STING1: variants seen among roughly 807,000 people sequenced by gnomAD.
STING1 encodes the protein stimulator of interferon genes protein.
Under a neutral mutation model 31.6 loss-of-function variants are expected in STING1, and 19 were observed. The ratio of observed to expected loss-of-function variants is 0.60; its 90% CI spans 0.42 to 0.88. The LOEUF (loss-of-function observed/expected upper bound fraction) is 0.88. Among genes scored for constraint, STING1 ranks in the 40% least tolerant of loss-of-function variants. STING1 has a pLI of 0.00. For missense variants in STING1, 371 were observed against 483.7 expected (o/e 0.77, Z 2.19); for synonymous variants, 200 against 208.6 (o/e 0.96, Z 0.35).
chr5:139,481,611 T>C lies in STING1; in HGVS notation c.94A>G (p.Thr32Ala). 1 of 1,613,330 alleles carries C rather than the reference T, an allele frequency of 6.2e-7. No homozygotes were observed. Among genetic ancestry groups the C allele is most frequent in the African/African-American group, 1.3e-5 (1 of 74,938 alleles). Residue 32 changes from threonine (T) to alanine (A), a missense_variant, in exon 3 of 8, where the codon ACC (threonine) becomes GCC (alanine). Physicochemically the swap from Thr to Ala is moderately conservative, Grantham distance 58 (BLOSUM62 0). Transcript: ENST00000330794. This position sits in a 1 kb window ranked among gnomAD's most constrained non-coding sequence, Gnocchi z 4.1. Reference sequence around the variant, plus strand: ...GGTGGCTCTCCTAGCCCCCAAAGGGTCACCAGGCAGGCACTCAGCAGAACC... The same window carrying C: ...GGTGGCTCTCCTAGCCCCCAAAGGGCCACCAGGCAGGCACTCAGCAGAACC... ...ALVLLSACLVTLWGLGEPPEH... is the reference protein window; with the variant it reads ...ALVLLSACLVALWGLGEPPEH...
intron 5 of STING1, 65 bp downstream of exon 5, chr5:139,480,725 A>C (rs926284894): frequency 4.0e-5 from 40 of 1,010,586 alleles, no homozygotes; most frequent in Non-Finnish European, 5.8e-5. Context: ...TTAGAAACAC[A>C]AGAGGCTGTG....
chr5:139,481,385 G>A lies in STING1; in HGVS notation c.228-43C>T. The stretch of plus-strand genomic sequence containing the variant: ...ACCCCAGACCCCAGCCCCCAGCCCA[G>A]CTCAGCCAGAGAGGTTCAAGGAGGG... On this transcript the variant is annotated intron_variant, in intron 3 of 7. Coordinates refer to ENST00000330794, the MANE Select transcript of STING1 (RefSeq NM_198282.4). This position sits in a 1 kb window ranked among gnomAD's most constrained non-coding sequence, Gnocchi z 4.1. The A allele has an allele frequency of 1.9e-6, 3 of 1,580,360 alleles. No homozygotes were observed. Among genetic ancestry groups the A allele is most frequent in the Middle Eastern group, 1.7e-4 (1 of 5,894 alleles).
chr5:139,481,485 G>A lies in STING1; in HGVS notation c.220C>T (p.His74Tyr), dbSNP rs745727679. 6.2e-6 allele frequency: 10 copies of A among 1,613,736 alleles called. No individual in the cohort carries two copies. Among genetic ancestry groups the A allele is most frequent in the African/African-American group, 1.3e-5 (1 of 75,030 alleles). Residue 74 changes from histidine (H) to tyrosine (Y), a missense_variant, in exon 3 of 8, where the codon CAC becomes TAC. Physicochemically the swap from His to Tyr is moderately conservative, Grantham distance 83. Coordinates refer to ENST00000330794, the MANE Select transcript of STING1 (RefSeq NM_198282.4). This position sits in a 1 kb window ranked among gnomAD's most constrained non-coding sequence, Gnocchi z 4.1. ...GGTACTGCAGTGAGTCACCTGGAGTGGATGTGGCGCAGCTCCTCAGCCAGG... is the reference window on the plus strand; with the variant it reads ...GGTACTGCAGTGAGTCACCTGGAGTAGATGTGGCGCAGCTCCTCAGCCAGG... ...CSLAEELRHIHSRYRGSYWRT... is the reference protein window; with the variant it reads ...CSLAEELRHIYSRYRGSYWRT...
In STING1 at chr5:139,477,522, G is replaced by A. The variant is rs901674479; in HGVS notation, c.760-7C>T. 6.2e-6 allele frequency: 10 copies of A among 1,612,404 alleles called. No individual in the cohort carries two copies. Among genetic ancestry groups the A allele is most frequent in the Non-Finnish European group, 8.5e-6 (10 of 1,179,100 alleles). ...CCAGGACACAGGTGCCCGCCTAGAGGAGGTAAGAGGAAGACCAGACTAAGC... is the reference window on the plus strand; with the variant it reads ...CCAGGACACAGGTGCCCGCCTAGAGAAGGTAAGAGGAAGACCAGACTAAGC... On this transcript the variant is annotated splice_polypyrimidine_tract_variant and splice_region_variant and intron_variant, in intron 6 of 7. Transcript: ENST00000330794.
chr5:139,476,244 C>T lies in STING1; in HGVS notation c.*17G>A, dbSNP rs1447177774. ...GCTTGGAGACCACTGGAGGCTCTGG[C>T]CTGGTGACCCTGGGTCTCAAGAGAA... On this transcript the variant is annotated 3_prime_UTR_variant, in exon 8 of 8. Transcript: ENST00000330794. 1.3e-6 allele frequency: 2 copies of T among 1,555,244 alleles called. No individual in the cohort carries two copies. Among genetic ancestry groups the T allele is most frequent in the South Asian group, 1.2e-5 (1 of 84,854 alleles).
chr5:139,476,072 C>G lies in STING1; in HGVS notation c.*189G>C. The G allele has an allele frequency of 1.8e-6, 1 of 558,544 alleles. No homozygotes were observed. The highest frequency in any genetic ancestry group is 3.0e-5 in the Admixed American group (1 of 33,218). The allele number at this position is 558,544 out of a possible 1,614,324, so 34.6% of individuals were successfully genotyped here. A position where few individuals can be genotyped will look rare whatever the true frequency, so the allele number is the denominator to read the frequency against. On this transcript the variant is annotated 3_prime_UTR_variant, in exon 8 of 8. Transcript: ENST00000330794. ...ATCCCATTTCACAGGTTGAAGACAC[C>G]GAGGCTCAGAGAGGGGAAATGACTG...
intron 5 of STING1, chr5:139,479,000 A>C (rs1751749081): frequency 6.4e-6 from 1 of 156,976 alleles, no homozygotes; most frequent in Admixed American, 6.1e-5. Flanking sequence ...AGGCTGAGGC[A>C]GGTGGATCAT....
In STING1 at chr5:139,478,491, G is replaced by A. The variant is rs1248505100; in HGVS notation, c.538C>T (p.Arg180Ter). The change falls in exon 6 of 8, where the codon CGA (arginine) becomes TGA (stop). Residue 180 changes from arginine (R) to a stop codon, truncating the protein, a stop_gained. Transcript: ENST00000330794. LOFTEE classifies it high-confidence loss of function. The part of the protein sequence containing the change: ...LILPELQARI[R>*]TYNQHYNNLL... ...TTGTTGTAATGCTGATTGTAAGTTC[G>A]AATCCGGGCCTGGAGCTCTGAGGCA... 3.1e-6 allele frequency: 5 copies of A among 1,614,010 alleles called. No individual in the cohort carries two copies. The highest frequency in any genetic ancestry group is 3.3e-5 in the Admixed American group (2 of 60,012).
Position 139,481,087 on chromosome 5 carries a change from C to G in STING1, c.411+72G>C. On this transcript the variant is annotated intron_variant, in intron 4 of 7. Transcript: ENST00000330794. The surrounding 1 kb of genome is among the most constrained non-coding windows in gnomAD (Gnocchi z 4.1). ...CTTTAAACCAGTCCCACTCCCAGTA[C>G]TCAGCTCAGGGCAGGTCACACCAGC... is the stretch of plus-strand genomic sequence containing the variant. The G allele has an allele frequency of 2.0e-6, 3 of 1,489,764 alleles. No individual in the cohort carries two copies. In the Admixed American group the frequency reaches 5.0e-5, roughly 25 times the overall value. 92.3% of individuals were successfully genotyped at this position (1,489,764 alleles called of 1,614,324 possible).
chr5:139,478,641 ACAGGAGGC>A, intron 5 of STING1, 133 bp from the exon 6 acceptor site: 1 of 785,318 alleles, frequency 1.3e-6, no homozygotes, highest in South Asian at 1.6e-5. Context: ...CTCTCATTGT[ACAGGAGGC>A]CAGGAGGGGC....
chr5:139,480,334 G>C (rs953446997), intron 5 of STING1, among the ~76,000 whole-genome samples: 1 of 152,112 alleles, frequency 6.6e-6, no homozygotes, highest in Non-Finnish European at 1.5e-5. Context: ...ATCACTTGAG[G>C]TCAGGAGTTT....
In STING1 at chr5:139,476,568, C is replaced by G. The variant is rs1025239025; in HGVS notation, c.947-114G>C. The G allele has an allele frequency of 1.2e-5, 11 of 913,554 alleles. No individual in the cohort carries two copies. The East Asian group carries it at 2.9e-4, about 24-fold the overall frequency. The allele number at this position is 913,554 out of a possible 1,614,324, so 56.6% of individuals were successfully genotyped here. A position where few individuals can be genotyped will look rare whatever the true frequency, so the allele number is the denominator to read the frequency against. On this transcript the variant is annotated intron_variant, in intron 7 of 7. Coordinates refer to ENST00000330794, the MANE Select transcript of STING1 (RefSeq NM_198282.4). ...AACCCTCCCTACCCCCCTTCCTACC[C>G]AAGCCCCAGCCACTGGGACTAGAGT... is the stretch of plus-strand genomic sequence containing the variant.
rs772016984 is a variant in STING1, at chr5:139,477,310, C to T, written c.946+19G>A. ...CCTGCCCTCCAGCCTATCAACCCCTCACCCTACCAACCCCTCACCCTGGTA... is the reference window on the plus strand; with the variant it reads ...CCTGCCCTCCAGCCTATCAACCCCTTACCCTACCAACCCCTCACCCTGGTA... On this transcript the variant is annotated intron_variant, in intron 7 of 7. Coordinates refer to ENST00000330794, the MANE Select transcript of STING1 (RefSeq NM_198282.4). 5.6e-6 allele frequency: 9 copies of T among 1,611,220 alleles called. No individual in the cohort carries two copies. The highest frequency in any genetic ancestry group is 3.3e-5 in the Admixed American group (2 of 59,878).
intron 5 of STING1, chr5:139,479,151 C>A (rs1751753991): frequency 6.6e-6 from 1 of 152,362 alleles, no homozygotes; most frequent in Non-Finnish European, 1.5e-5. Flanking sequence ...ATCACTTGAA[C>A]CTGGGAGGCA....
intron 5 of STING1, 86 bp from the exon 6 acceptor site, chr5:139,478,594 C>T: frequency 8.4e-7 from 1 of 1,187,810 alleles, no homozygotes; most frequent in East Asian, 2.3e-5. Flanking sequence ...TTGGCCCCCG[C>T]AGTGTGTGGG....
intron 4 of STING1, 83 bp from the exon 5 acceptor site, chr5:139,480,981 T>G (rs1027789235): frequency 1.6e-5 from 20 of 1,242,480 alleles, no homozygotes; most frequent in Middle Eastern, 2.4e-4. Flanking sequence ...CTTCCCAACC[T>G]GCTCCTGACT....
At chr5:139,478,570 T>C in intron 5 of STING1, 62 bp from the exon 6 acceptor site, 1 of 1,449,400 alleles carries the variant, frequency 6.9e-7, no homozygotes, top group East Asian at 2.3e-5. Context: ...GATTCAGGAG[T>C]GAGACCCAGG....
chr5:139,476,236 G>A lies in STING1; in HGVS notation c.*25C>T, dbSNP rs1187697180. 9.7e-6 allele frequency: 15 copies of A among 1,545,040 alleles called. No homozygotes were observed. The highest frequency in any genetic ancestry group is 1.4e-5 in the African/African-American group (1 of 72,932). On this transcript the variant is annotated 3_prime_UTR_variant, in exon 8 of 8. Transcript: ENST00000330794. ...GTCCAGAGGCTTGGAGACCACTGGA[G>A]GCTCTGGCCTGGTGACCCTGGGTCT...
intron 5 of STING1, among the ~76,000 whole-genome samples, chr5:139,479,848 CAAAA>C (rs1168023127): frequency 0.028 from 968 of 34,864 alleles, 1 homozygote; most frequent in Non-Finnish European, 0.035. Context: ...ACTAAAAATA[CAAAA>C]AAAAAAAAAA....
Sources: gnomAD v4.1 joint callset for allele counts (sites outside exome capture counted in the v4.1 genomes callset) on GRCh38, gnomAD v4.1.1 for gene constraint, Gnocchi (gnomAD v3.1) non-coding constraint, MANE v1.5 for transcripts, NCBI Gene and HGNC (gene_info 2026-07-23, HGNC 2026-07-21) for gene names.